PLD1: variants seen among roughly 807,000 people sequenced by gnomAD.
PLD1 encodes phospholipase D1.
In PLD1, 112 loss-of-function variants were observed where a neutral mutation model predicts 137.1. The observed-to-expected ratio is 0.82, with a 90% confidence interval of 0.70 to 0.96. The LOEUF is 0.96. PLD1 is among the 40% of genes least tolerant of loss of function. The pLI is 0.00. For missense variants in PLD1, 1,321 were observed against 1,342.0 expected (o/e 0.98, Z 0.24); for synonymous variants, 431 against 454.7 (o/e 0.95, Z 0.66).
chr3:171,668,327 T>G (rs568519988), intron 19 of PLD1, among the ~76,000 whole-genome samples: 2 of 152,288 alleles, frequency 1.3e-5, no homozygotes, highest in South Asian at 2.1e-4. Context: ...ATGGACAAGG[T>G]GGATTCCTTT....
chr3:171,656,051 T>A (rs995016888), intron 21 of PLD1, among the ~76,000 whole-genome samples: 2 of 152,188 alleles, frequency 1.3e-5, no homozygotes, highest in African/African-American at 4.8e-5. Flanking sequence ...CCATAATTTT[T>A]AAAGTCACAG....
rs775468956 is a variant in PLD1, at chr3:171,686,753, A to C, written c.1799T>G (p.Leu600Ter). The change falls in exon 16 of 27, where the codon TTA becomes TGA. Residue 600 changes from leucine to a stop codon, truncating the protein, a stop_gained. Transcript: ENST00000351298. LOFTEE classifies it high-confidence loss of function. ...GTGAAAGAGTTTGAAGTGGGGTTTT[A>C]AACCATGGATTAAATTGTGATGACT... The part of the protein sequence containing the change: ...YRSHHNLIHG[L>*]KPHFKLFHPS... 6.2e-7 allele frequency: 1 copy of C among 1,608,038 alleles called. No homozygotes were observed. Among genetic ancestry groups the C allele is most frequent in the Admixed American group, 1.7e-5 (1 of 59,984 alleles).
chr3:171,640,624 A>T (rs1459831896), intron 23 of PLD1, among the ~76,000 whole-genome samples: 1 of 152,234 alleles, frequency 6.6e-6, no homozygotes, highest in African/African-American at 2.4e-5. Context: ...TTACATGCTC[A>T]GGCATGCAGT....
intron 1 of PLD1, among the ~76,000 whole-genome samples, chr3:171,803,823 A>T (rs13075194): frequency 6.6e-6 from 1 of 152,160 alleles, no homozygotes; most frequent in South Asian, 2.1e-4. Context: ...CAATAGTTAC[A>T]GTATTTTCAC....
intron 12 of PLD1, among the ~76,000 whole-genome samples, chr3:171,698,023 C>A (rs773470292): frequency 3.9e-5 from 6 of 152,184 alleles, no homozygotes; most frequent in Non-Finnish European, 7.3e-5. Context: ...AGTATTAGTA[C>A]AGATTGCTAC....
rs1427240615 is a variant in PLD1, at chr3:171,688,779, C to T, written c.1436G>A (p.Gly479Glu). The change falls in exon 14 of 27, where the codon GGG becomes GAG. Residue 479 changes from glycine to glutamate, a missense_variant. Physicochemically the swap from Gly to Glu is moderately conservative, Grantham distance 98. Coordinates refer to ENST00000351298, the MANE Select transcript of PLD1 (RefSeq NM_002662.5). ...IIDQSVAFVG[G>E]IDLAYGRWDD... ...CCACCTTCCATAGGCCAGGTCAATC[C>T]CTCCCACAAAGGCCACCGATTGGTC... The T allele has an allele frequency of 3.0e-5, 48 of 1,613,924 alleles. No individual in the cohort carries two copies. The highest frequency in any genetic ancestry group is 3.9e-5 in the Non-Finnish European group (46 of 1,179,974).
At chr3:171,659,566 T>C (rs1251878670) in intron 20 of PLD1, among the ~76,000 whole-genome samples, 1 of 152,204 alleles carries the variant, frequency 6.6e-6, no homozygotes, top group Non-Finnish European at 1.5e-5. Context: ...TCCTTATAGG[T>C]GATTTTCTAA....
intron 21 of PLD1, among the ~76,000 whole-genome samples, chr3:171,657,826 T>TA (rs1465355243): frequency 1.3e-5 from 2 of 151,462 alleles, no homozygotes; most frequent in Non-Finnish European, 2.9e-5. Flanking sequence ...TTTATCAAAA[T>TA]AAAAAAAATT....
At chr3:171,628,325 T>G (rs902206662) in intron 23 of PLD1, among the ~76,000 whole-genome samples, 4 of 152,138 alleles carry the variant, frequency 2.6e-5, no homozygotes, top group African/African-American at 7.2e-5. Context: ...AAGTTGAATC[T>G]CTGAACAGAC....
intron 11 of PLD1, among the ~76,000 whole-genome samples, chr3:171,703,326 T>C (rs1242258387): frequency 2.0e-5 from 3 of 152,184 alleles, no homozygotes; most frequent in African/African-American, 7.2e-5. Flanking sequence ...TTACTGGTGA[T>C]ACTAGCCAAT....
intron 1 of PLD1, among the ~76,000 whole-genome samples, chr3:171,754,761 T>A (rs539408304): frequency 7.2e-5 from 11 of 152,334 alleles, no homozygotes; most frequent in African/African-American, 2.6e-4. Context: ...ATTAGTGATA[T>A]TACATCCTTC....
chr3:171,634,457 A>G (rs1734938005), intron 23 of PLD1, among the ~76,000 whole-genome samples: 1 of 152,112 alleles, frequency 6.6e-6, no homozygotes, highest in Admixed American at 6.5e-5. Flanking sequence ...ATTCACTATC[A>G]TCTTCATTTT....
At chr3:171,630,758 G>A (rs1049044922) in intron 23 of PLD1, among the ~76,000 whole-genome samples, 13 of 148,216 alleles carry the variant, frequency 8.8e-5, no homozygotes, top group South Asian at 4.3e-4. Flanking sequence ...GTAAACTATC[G>A]CAAGAACAAA....
At chr3:171,767,349 A>G (rs1322359343) in intron 1 of PLD1, among the ~76,000 whole-genome samples, 2 of 152,174 alleles carry the variant, frequency 1.3e-5, no homozygotes, top group African/African-American at 4.8e-5. Context: ...GTAGGTGAGA[A>G]AGTGGAGCAC....
intron 1 of PLD1, chr3:171,793,485 G>C (rs1723302131): frequency 6.6e-6 from 1 of 152,032 alleles, no homozygotes; most frequent in Non-Finnish European, 1.5e-5. Flanking sequence ...TATGTGTAGT[G>C]CAGTCCCCCC....
At chr3:171,637,909 G>A (rs950806472) in intron 23 of PLD1, among the ~76,000 whole-genome samples, 6 of 152,018 alleles carry the variant, frequency 3.9e-5, no homozygotes, top group East Asian at 1.9e-4. Flanking sequence ...AGCTGGGCAC[G>A]GTGGCTCACG....
intron 23 of PLD1, among the ~76,000 whole-genome samples, chr3:171,620,843 T>C (rs1049991222): frequency 1.3e-5 from 2 of 150,952 alleles, no homozygotes; most frequent in Admixed American, 6.6e-5. Context: ...GCTATTCATA[T>C]ATGAACATTT....
intron 25 of PLD1, 33 bp from the exon 26 acceptor site, chr3:171,605,449 T>C (rs932929779): frequency 9.0e-6 from 11 of 1,218,608 alleles, no homozygotes; most frequent in Non-Finnish European, 1.1e-5. Context: ...ATTGAGTAAC[T>C]GAGATAAAGC....
At chr3:171,712,204 G>A (rs1163511563) in intron 9 of PLD1, among the ~76,000 whole-genome samples, 1 of 152,176 alleles carries the variant, frequency 6.6e-6, no homozygotes, top group Admixed American at 6.5e-5. Context: ...ACAGGGAGAG[G>A]CTGCTGCTGC....
Sources: allele counts gnomAD v4.1 joint callset (sites outside exome capture counted in the v4.1 genomes callset), GRCh38; gene constraint gnomAD v4.1.1; transcripts MANE v1.5; gene names NCBI Gene and HGNC (gene_info 2026-07-23, HGNC 2026-07-21).